Variants in NKAIN2 observed in about 807,000 individuals in gnomAD.
NKAIN2 encodes sodium/potassium transporting ATPase interacting 2, also known as sodium/potassium-transporting ATPase subunit beta-1-interacting protein 2.
A neutral mutation model predicts 32.6 loss-of-function variants in NKAIN2; 14 were observed. That is an observed-to-expected ratio of 0.43 (90% CI 0.28 to 0.67). The LOEUF (loss-of-function observed/expected upper bound fraction) is 0.67. Ranked by LOEUF, NKAIN2 falls within the 30% of genes least tolerant of loss-of-function variation. The pLI is 0.17. For missense variants in NKAIN2, 198 were observed against 258.3 expected (o/e 0.77, Z 1.60); for synonymous variants, 80 against 87.2 (o/e 0.92, Z 0.46).
chr6:124,371,709 AAAAG>A (rs1304128728), intron 3 of NKAIN2, among the ~76,000 whole-genome samples: 2 of 151,178 alleles, frequency 1.3e-5, no homozygotes, highest in African/African-American at 2.4e-5. Context: ...AAAAAAAAAA[AAAAG>A]AAAGAAAGGA....
At chr6:124,606,395 C>T (rs1306253817) in intron 3 of NKAIN2, among the ~76,000 whole-genome samples, 1 of 152,060 alleles carries the variant, frequency 6.6e-6, no homozygotes, top group South Asian at 2.1e-4. Context: ...ACAATCACAC[C>T]TCTATCTGCT....
At chr6:123,867,855 T>G (rs1432192613) in intron 1 of NKAIN2, among the ~76,000 whole-genome samples, 2 of 150,986 alleles carry the variant, frequency 1.3e-5, no homozygotes, top group Non-Finnish European at 3.0e-5. Flanking sequence ...ACTGTTGTAC[T>G]GGGTTCATTT....
At chr6:124,177,262 A>C (rs776686700) in intron 1 of NKAIN2, among the ~76,000 whole-genome samples, 4 of 152,242 alleles carry the variant, frequency 2.6e-5, no homozygotes, top group Non-Finnish European at 5.9e-5. Flanking sequence ...CCAAACAATT[A>C]GAAATTTTAT....
intron 4 of NKAIN2, among the ~76,000 whole-genome samples, chr6:124,702,870 AT>A (rs911488633): frequency 6.6e-6 from 1 of 152,092 alleles, no homozygotes; most frequent in Admixed American, 6.6e-5. Flanking sequence ...TATGTGGGTA[AT>A]TTTCCAAATG....
intron 3 of NKAIN2, among the ~76,000 whole-genome samples, chr6:124,576,732 G>T (rs520478): frequency 0.7 from 105,835 of 152,048 alleles, 36,960 homozygotes; most frequent in African/African-American, 0.71. Context: ...TGTAAATATT[G>T]GCACGTTCCA....
intron 4 of NKAIN2, among the ~76,000 whole-genome samples, chr6:124,672,883 T>A (rs570581872): frequency 5.3e-5 from 8 of 152,184 alleles, no homozygotes; most frequent in Non-Finnish European, 8.8e-5. Flanking sequence ...TATTTTTAAT[T>A]GTTGTAAAAA....
At chr6:124,239,324 TAGAC>T (rs938682349) in intron 1 of NKAIN2, among the ~76,000 whole-genome samples, 2 of 152,042 alleles carry the variant, frequency 1.3e-5, no homozygotes, top group African/African-American at 4.8e-5. Context: ...CTGTCAATAT[TAGAC>T]AGATCAATGA....
At chr6:123,905,368 A>G (rs541149178) in intron 1 of NKAIN2, among the ~76,000 whole-genome samples, 39 of 152,240 alleles carry the variant, frequency 2.6e-4, no homozygotes, top group South Asian at 1.0e-3. Context: ...AATGTTTTGT[A>G]AGGGATGACA....
intron 3 of NKAIN2, among the ~76,000 whole-genome samples, chr6:124,476,065 AGT>A (rs61191593): frequency 0.37 from 48,952 of 131,872 alleles, 8,937 homozygotes; most frequent in South Asian, 0.48. Context: ...AGAGAGAGAG[AGT>A]GTGTGTGTGT....
chr6:124,679,911 G>A (rs1773536814), intron 4 of NKAIN2, among the ~76,000 whole-genome samples: 1 of 152,092 alleles, frequency 6.6e-6, no homozygotes, highest in South Asian at 2.1e-4. Flanking sequence ...GTTGTCAGTT[G>A]ATAAATGAGT....
intron 3 of NKAIN2, among the ~76,000 whole-genome samples, chr6:124,521,215 TTCCCCGTCTTAC>T (rs919855358): frequency 1.3e-5 from 2 of 152,198 alleles, no homozygotes; most frequent in African/African-American, 4.8e-5. Flanking sequence ...CCCATCACTG[TTCCCCGTCTTAC>T]AAGAGAAGCA....
intron 2 of NKAIN2, among the ~76,000 whole-genome samples, chr6:124,285,385 C>T (rs1208048794): frequency 6.6e-6 from 1 of 152,022 alleles, no homozygotes; most frequent in African/African-American, 2.4e-5. Flanking sequence ...GCTTGGAAAT[C>T]CCCTTAACCA....
chr6:124,587,440 G>A (rs1022886868), intron 3 of NKAIN2, among the ~76,000 whole-genome samples: 3 of 151,302 alleles, frequency 2.0e-5, no homozygotes, highest in Non-Finnish European at 4.4e-5. Flanking sequence ...GGCTGGTCTC[G>A]AACTCCTGAC....
chr6:124,668,279 T>C (rs1772910603), intron 4 of NKAIN2, among the ~76,000 whole-genome samples: 1 of 152,178 alleles, frequency 6.6e-6, no homozygotes, highest in Admixed American at 6.6e-5. Flanking sequence ...AGTCATGGAC[T>C]GAAGTAGAGT....
At chr6:124,405,370 G>A (rs1407251777) in intron 3 of NKAIN2, among the ~76,000 whole-genome samples, 1 of 152,088 alleles carries the variant, frequency 6.6e-6, no homozygotes, top group East Asian at 1.9e-4. Context: ...TACAGTTTTT[G>A]TGGGACAATT....
intron 1 of NKAIN2, among the ~76,000 whole-genome samples, chr6:123,904,896 T>C (rs1325863097): frequency 4.6e-5 from 7 of 152,214 alleles, no homozygotes; most frequent in Non-Finnish European, 1.0e-4. Flanking sequence ...TTGCGTGTTG[T>C]AAATCTTCAT....
chr6:124,784,550 G>C (rs1779417274), intron 4 of NKAIN2, among the ~76,000 whole-genome samples: 1 of 152,096 alleles, frequency 6.6e-6, no homozygotes, highest in South Asian at 2.1e-4. Flanking sequence ...GCTGTTGCAT[G>C]TATCAGTCAT....
intron 1 of NKAIN2, among the ~76,000 whole-genome samples, chr6:124,011,523 A>C (rs1194640046): frequency 6.6e-6 from 1 of 151,996 alleles, no homozygotes; most frequent in Non-Finnish European, 1.5e-5. Context: ...AAATTATTTG[A>C]TAATAATACT....
At chr6:124,480,586 GTATTATTAT>G (rs60818370) in intron 3 of NKAIN2, among the ~76,000 whole-genome samples, 17,433 of 149,146 alleles carry the variant, frequency 0.12, 1,616 homozygotes, top group African/African-American at 0.25. Context: ...AGATGTTGAG[GTATTATTAT>G]TATTATTATT....
Sources: gnomAD v4.1 joint callset for allele counts (sites outside exome capture counted in the v4.1 genomes callset) on GRCh38, gnomAD v4.1.1 for gene constraint, MANE v1.5 for transcripts, NCBI Gene and HGNC (gene_info 2026-07-23, HGNC 2026-07-21) for gene names.